The following TMEM200A variants were observed in gnomAD, a reference collection of about 807,000 sequenced individuals.
The protein encoded by TMEM200A is transmembrane protein 200A.
TMEM200A carries 12 observed loss-of-function variants against 24.3 expected under a neutral mutation model. That is an observed-to-expected ratio of 0.49 (90% CI 0.32 to 0.80). TMEM200A has a LOEUF of 0.80. Ranked by LOEUF, TMEM200A falls within the 30% of genes least tolerant of loss-of-function variation. The pLI is 0.04. For missense variants in TMEM200A, 545 were observed against 614.4 expected (o/e 0.89, Z 1.19); for synonymous variants, 224 against 224.4 (o/e 1.00, Z 0.02).
chr6:130,386,108 A>G (rs571217079), intron 2 of TMEM200A, among the ~76,000 whole-genome samples: 2 of 152,300 alleles, frequency 1.3e-5, no homozygotes, highest in South Asian at 4.1e-4. Flanking sequence ...AAAATAATCT[A>G]TTGTATTGAG....
At chr6:130,434,188 G>T (rs889546551) in intron 2 of TMEM200A, among the ~76,000 whole-genome samples, 3 of 152,172 alleles carry the variant, frequency 2.0e-5, no homozygotes, top group Non-Finnish European at 2.9e-5. Context: ...GATACTTACT[G>T]AGCATTTAGT....
At chr6:130,400,063 C>T (rs763260722) in intron 2 of TMEM200A, among the ~76,000 whole-genome samples, 1 of 151,670 alleles carries the variant, frequency 6.6e-6, no homozygotes, top group Non-Finnish European at 1.5e-5. Flanking sequence ...TATATACATA[C>T]ACACACATAT....
At chr6:130,438,151 C>G (rs1780065520) in intron 2 of TMEM200A, 1 of 152,136 alleles carries the variant, frequency 6.6e-6, no homozygotes, top group Non-Finnish European at 1.5e-5. Context: ...TTTATTTTAG[C>G]AAAGGTTTGG....
At chr6:130,373,191 CA>C (rs1417175482) in intron 1 of TMEM200A, among the ~76,000 whole-genome samples, 1 of 152,110 alleles carries the variant, frequency 6.6e-6, no homozygotes, top group Non-Finnish European at 1.5e-5. Flanking sequence ...TTTCCCTTGG[CA>C]AAGTAAGTCA....
intron 1 of TMEM200A, 49 bp from the exon 2 acceptor site, chr6:130,385,124 G>A (rs185438060): frequency 5.5e-4 from 84 of 152,282 alleles, no homozygotes; most frequent in African/African-American, 1.8e-3. Flanking sequence ...GTAAATTTGC[G>A]ACATTGTCAG....
intron 2 of TMEM200A, among the ~76,000 whole-genome samples, chr6:130,427,325 T>C (rs1440758565): frequency 6.6e-6 from 1 of 152,210 alleles, no homozygotes; most frequent in Non-Finnish European, 1.5e-5. Context: ...ATTTCTGCTC[T>C]AGAAACTCAG....
At chr6:130,422,635 T>C (rs879889208) in intron 2 of TMEM200A, among the ~76,000 whole-genome samples, 6 of 152,170 alleles carry the variant, frequency 3.9e-5, no homozygotes, top group Non-Finnish European at 7.4e-5. Context: ...TGGGATATCA[T>C]AATACTCGTG....
At chr6:130,401,393 CTTTCTT>C (rs1562559235) in intron 2 of TMEM200A, among the ~76,000 whole-genome samples, 19 of 148,852 alleles carry the variant, frequency 1.3e-4, no homozygotes, top group African/African-American at 4.7e-4. Flanking sequence ...TTGCTTGCTT[CTTTCTT>C]TCTTTTTCTT....
At chr6:130,408,623 T>C (rs1779261075) in intron 2 of TMEM200A, among the ~76,000 whole-genome samples, 1 of 151,996 alleles carries the variant, frequency 6.6e-6, no homozygotes, top group Non-Finnish European at 1.5e-5. Context: ...AGGGTGCTTA[T>C]GGAGAAGAGG....
At chr6:130,396,537 A>G (rs1035676761) in intron 2 of TMEM200A, among the ~76,000 whole-genome samples, 2 of 152,022 alleles carry the variant, frequency 1.3e-5, no homozygotes, top group Non-Finnish European at 2.9e-5. Context: ...AAATATAAAG[A>G]AGTAAATAAA....
At chr6:130,426,524 C>T (rs925490291) in intron 2 of TMEM200A, among the ~76,000 whole-genome samples, 2 of 147,198 alleles carry the variant, frequency 1.4e-5, no homozygotes, top group Admixed American at 1.4e-4. Flanking sequence ...TCTGTGGCTG[C>T]CTGCTTTATG....
At chr6:130,413,242 A>G (rs761831686) in intron 2 of TMEM200A, among the ~76,000 whole-genome samples, 1 of 152,156 alleles carries the variant, frequency 6.6e-6, no homozygotes, top group Non-Finnish European at 1.5e-5. Context: ...GAAGCCCTCT[A>G]CTTTGGATTT....
chr6:130,412,191 T>TGA (rs1779347580), intron 2 of TMEM200A, among the ~76,000 whole-genome samples: 1 of 60,726 alleles, frequency 1.6e-5, no homozygotes, highest in African/African-American at 1.7e-4. Context: ...GAAGCCTGAT[T>TGA]TTTTTTTTTT....
In TMEM200A at chr6:130,405,401, T is replaced by C. The variant is rs555813142; in HGVS notation, c.-17+20165T>C. Among the ~76,000 whole-genome samples the C allele has an allele frequency of 1.4e-3, 206 of 152,270 alleles. 1 individual carries two copies. Among genetic ancestry groups the C allele is most frequent in the East Asian group, 2.7e-3 (14 of 5,182 alleles). ...TAGTTAGCCGTATTCCTGGGTATTT[T>C]ATTTTTTTTTGTGGCAACTATGAAT... On this transcript the variant is annotated intron_variant, in intron 2 of 2. Transcript: ENST00000296978.
intron 2 of TMEM200A, among the ~76,000 whole-genome samples, chr6:130,408,297 C>T (rs1354998243): frequency 1.3e-5 from 2 of 152,156 alleles, no homozygotes; most frequent in African/African-American, 2.4e-5. Flanking sequence ...GGCACTTTCC[C>T]AGATATTTTC....
At chr6:130,414,431 CAA>C (rs11317905) in intron 2 of TMEM200A, among the ~76,000 whole-genome samples, 1,422 of 57,890 alleles carry the variant, frequency 0.025, 14 homozygotes, top group African/African-American at 0.061. Context: ...GACTCCATCT[CAA>C]AAAAAAAAAA....
chr6:130,400,213 T>A (rs1252649850), intron 2 of TMEM200A, among the ~76,000 whole-genome samples: 1 of 152,090 alleles, frequency 6.6e-6, no homozygotes, highest in Non-Finnish European at 1.5e-5. Flanking sequence ...TAAACATGCA[T>A]GTGCAAGTAT....
chr6:130,412,661 C>T (rs1023630158), intron 2 of TMEM200A, among the ~76,000 whole-genome samples: 1 of 152,184 alleles, frequency 6.6e-6, no homozygotes, highest in African/African-American at 2.4e-5. Context: ...TAGCACCCCA[C>T]TTTTGGTCAC....
intron 2 of TMEM200A, among the ~76,000 whole-genome samples, chr6:130,426,475 G>A (rs1779747072): frequency 7.0e-6 from 1 of 143,884 alleles, no homozygotes; most frequent in South Asian, 2.2e-4. Flanking sequence ...CCCCCCCTCA[G>A]TTTCCCTTCA....
Sources: gnomAD v4.1 joint callset for allele counts (sites outside exome capture counted in the v4.1 genomes callset) on GRCh38, gnomAD v4.1.1 for gene constraint, MANE v1.5 for transcripts, NCBI Gene and HGNC (gene_info 2026-07-23, HGNC 2026-07-21) for gene names.